Variants in CLPTM1L observed in about 807,000 individuals in gnomAD.
The protein encoded by CLPTM1L is lipid scramblase CLPTM1L.
CLPTM1L carries 38 observed loss-of-function variants against 70.9 expected under a neutral mutation model. That is an observed-to-expected ratio of 0.54 (90% CI 0.41 to 0.70). The LOEUF is 0.70. Ranked by LOEUF, CLPTM1L falls within the 30% of genes least tolerant of loss-of-function variation. The probability of loss-of-function intolerance (pLI) is 0.00; values close to 1 mark genes in which losing one functional copy is unlikely to be tolerated. For synonymous variants in CLPTM1L, 339 were observed against 299.9 expected, an observed-to-expected ratio of 1.13 and a Z score of -1.35; for missense variants, 652 against 705.9, an observed-to-expected ratio of 0.92 and a Z score of 0.87.
chr5:1,337,933 G>C lies in CLPTM1L; in HGVS notation c.649C>G (p.Gln217Glu), dbSNP rs1265714251. Reference protein sequence around the residue: ...VHYLPILFIDQLSNRVKDLMV... With the variant: ...VHYLPILFIDELSNRVKDLMV... ...AGGTCCTTCACGCGGTTGCTGAGCT[G>C]GTCGATGAACAGGATGGGCAGGTAA... Residue 217 changes from glutamine (Q) to glutamate (E), a missense_variant, in exon 5 of 17, where the codon CAG becomes GAG. Around this residue, in one of 3 missense-constraint regions of CLPTM1L, gnomAD observed 402 missense variants for 388.2 expected, o/e 1.04. Transcript: ENST00000320895. The C allele has an allele frequency of 6.2e-7, 1 of 1,607,140 alleles. No homozygotes were observed. Among genetic ancestry groups the C allele is most frequent in the Non-Finnish European group, 8.5e-7 (1 of 1,177,876 alleles).
At chr5:1,339,312 C>T (rs2111253323) in intron 3 of CLPTM1L, among the ~76,000 whole-genome samples, 1 of 147,092 alleles carries the variant, frequency 6.8e-6, no homozygotes, top group East Asian at 2.1e-4. Context: ...CAAACTGTGC[C>T]CGGGACAGCA....
intron 8 of CLPTM1L, chr5:1,331,539 G>A: frequency 7.0e-6 from 4 of 568,580 alleles, no homozygotes; most frequent in Non-Finnish European, 9.4e-6. Context: ...CAGACCCCAT[G>A]CACGCCAGAG....
At chr5:1,341,571 G>T in intron 3 of CLPTM1L, 100 bp downstream of exon 3, 4 of 1,039,882 alleles carry the variant, frequency 3.8e-6, no homozygotes, top group South Asian at 3.5e-5. Context: ...TCCCAACAAA[G>T]TCACTGGAGC....
chr5:1,329,788 A>AGCCTCAGGACTCTCTGCTTGGTGGACAGG (rs1752960443), intron 9 of CLPTM1L, among the ~76,000 whole-genome samples: 3 of 51,794 alleles, frequency 5.8e-5, no homozygotes, highest in East Asian at 4.0e-4. Flanking sequence ...TGGTGGACAG[A>AGCCTCAGGACTCTCTGCTTGGTGGACAGG]GCCTCAGGAC....
Position 1,342,945 on chromosome 5 carries a change from C to A in CLPTM1L, c.264-1085G>T, listed in dbSNP as rs1227640990. Among the ~76,000 whole-genome samples, 1 of 152,242 alleles carries A rather than the reference C, an allele frequency of 6.6e-6. No homozygotes were observed. The highest frequency in any genetic ancestry group is 1.5e-5 in the Non-Finnish European group (1 of 68,040). The stretch of plus-strand genomic sequence containing the variant: ...CGGCGGCTCACGCCTGTAATCCCAG[C>A]ACCTTGGGAGGCCGAGCCGGGCAGA... On this transcript the variant is annotated intron_variant, in intron 2 of 16. Coordinates refer to ENST00000320895, the MANE Select transcript of CLPTM1L (RefSeq NM_030782.5). This position sits in a 1 kb window ranked among gnomAD's most constrained non-coding sequence, Gnocchi z 4.3.
rs1181998330 is a variant in CLPTM1L, at chr5:1,325,798, C to T, written c.1099G>A (p.Ala367Thr). ...AAIELWKVKK[A>T]LKMTIFWRGL... Reference sequence around the variant, plus strand: ...CTCCAAAAAATAGTCATCTTCAATGCCTTCTTCACTTTCCACAGCTGAGGG... The same window carrying T: ...CTCCAAAAAATAGTCATCTTCAATGTCTTCTTCACTTTCCACAGCTGAGGG... Residue 367 changes from alanine (A) to threonine (T), a missense_variant, in exon 10 of 17, where the codon GCA becomes ACA. Physicochemically the swap from Ala to Thr is moderately conservative, Grantham distance 58. This residue lies in a region of CLPTM1L where 240 missense variants were observed against 295.0 expected (regional missense o/e 0.81). Coordinates refer to ENST00000320895, the MANE Select transcript of CLPTM1L (RefSeq NM_030782.5). The T allele has an allele frequency of 4.3e-6, 7 of 1,614,000 alleles. No individual in the cohort carries two copies. Among genetic ancestry groups the T allele is most frequent in the South Asian group, 1.1e-5 (1 of 91,076 alleles).
At chr5:1,343,431 G>A (rs1448947473) in intron 2 of CLPTM1L, among the ~76,000 whole-genome samples, 2 of 152,232 alleles carry the variant, frequency 1.3e-5, no homozygotes, top group Non-Finnish European at 2.9e-5. Flanking sequence ...CAGGTCAAAT[G>A]GAAAACCTCA....
rs760098618 is a variant in CLPTM1L at position 1,335,110 on chromosome 5, C to A, written c.743G>T (p.Arg248Leu). Residue 248 changes from arginine (R) to leucine (L), a missense_variant, in exon 6 of 17, where the codon CGG (arginine) becomes CTG (leucine). Arg to Leu is a moderately radical substitution (Grantham distance 102). Transcript: ENST00000320895. Reference sequence around the variant, plus strand: ...CTGCATGTGGATCCAGAAGCGCAGCCGCCCCAGTGAGACCTTGTCGTAGGA... The same window carrying A: ...CTGCATGTGGATCCAGAAGCGCAGCAGCCCCAGTGAGACCTTGTCGTAGGA... Reference protein sequence around the residue: ...TVSYDKVSLGRLRFWIHMQDA... With the variant: ...TVSYDKVSLGLLRFWIHMQDA... 6.2e-7 allele frequency: 1 copy of A among 1,613,666 alleles called. No homozygotes were observed. Among genetic ancestry groups the A allele is most frequent in the Non-Finnish European group, 8.5e-7 (1 of 1,180,028 alleles).
At chr5:1,340,938 G>GT (rs1753901926) in intron 3 of CLPTM1L, among the ~76,000 whole-genome samples, 1 of 151,748 alleles carries the variant, frequency 6.6e-6, no homozygotes. Context: ...GCTAATTTTT[G>GT]TATTTTTAGT....
At position 1,331,825 on chromosome 5, in the gene CLPTM1L, CTCTTCT is replaced by C; in HGVS notation, c.944_949del (p.Lys315_Lys316del). 1 of 1,613,390 alleles carries C rather than the reference CTCTTCT, an allele frequency of 6.2e-7. No homozygotes were observed. The highest frequency in any genetic ancestry group is 8.5e-7 in the Non-Finnish European group (1 of 1,179,952). On this transcript the variant is annotated inframe_deletion, in exon 8 of 17. Coordinates refer to ENST00000320895, the MANE Select transcript of CLPTM1L (RefSeq NM_030782.5). Reference sequence around the variant, plus strand: ...TGCCTTGGTGGACATGCCGATCATGCTCTTCTTCTTCTTCCAGAAACTGATGTCATT... The same window carrying C: ...TGCCTTGGTGGACATGCCGATCATGCTCTTCTTCCAGAAACTGATGTCATT...
Position 1,324,787 on chromosome 5 carries a change from C to T in CLPTM1L, c.1173G>A (p.Arg391=). The T allele has an allele frequency of 1.2e-6, 2 of 1,614,152 alleles. No individual in the cohort carries two copies. The highest frequency in any genetic ancestry group is 1.1e-5 in the South Asian group (1 of 91,088). ...CCTGAGTATCGTACTCCTCGGTTTT[C>T]CTCTCAGATTCGCTGTAAGTGCCAA... is the stretch of plus-strand genomic sequence containing the variant. ...FQFGTYSESE[R]KTEEYDTQAM... is the part of the protein sequence containing the mutation. The change falls in exon 11 of 17, where the codon AGG becomes AGA. Residue 391 remains arginine (R), a synonymous_variant. Coordinates refer to ENST00000320895, the MANE Select transcript of CLPTM1L (RefSeq NM_030782.5).
chr5:1,321,196 T>G (rs1752130892), intron 15 of CLPTM1L, among the ~76,000 whole-genome samples: 1 of 152,234 alleles, frequency 6.6e-6, no homozygotes, highest in Non-Finnish European at 1.5e-5. Flanking sequence ...CAGCTCCGCC[T>G]GCAATGCCGA....
At position 1,323,770 on chromosome 5, in the gene CLPTM1L, C is replaced by T. The variant is rs375045987; in HGVS notation, c.1280+17G>A. ...CAGGGGAAAGACGCAGCAGGGGAAGCGTGTGCGGCCTCCTACCTCTTATAT... is the reference window on the plus strand; with the variant it reads ...CAGGGGAAAGACGCAGCAGGGGAAGTGTGTGCGGCCTCCTACCTCTTATAT... On this transcript the variant is annotated intron_variant, in intron 12 of 16. Transcript: ENST00000320895. 1.6e-5 allele frequency: 25 copies of T among 1,598,556 alleles called. 1 individual carries two copies. The highest frequency in any genetic ancestry group is 1.7e-4 in the Middle Eastern group (1 of 6,060).
intron 9 of CLPTM1L, among the ~76,000 whole-genome samples, chr5:1,327,495 C>G (rs1427072311): frequency 6.7e-6 from 1 of 149,710 alleles, no homozygotes; most frequent in African/African-American, 2.5e-5. Flanking sequence ...GACATTTCAT[C>G]CAGCTCCTCC....
intron 3 of CLPTM1L, among the ~76,000 whole-genome samples, chr5:1,340,505 A>G (rs746073562): frequency 3.3e-5 from 5 of 152,124 alleles, no homozygotes; most frequent in Non-Finnish European, 5.9e-5. Flanking sequence ...ACACCTCCTC[A>G]CATTTGCTAC....
At chr5:1,338,313 T>A in intron 4 of CLPTM1L, 1 of 383,472 alleles carries the variant, frequency 2.6e-6, no homozygotes, top group Non-Finnish European at 4.9e-6. Context: ...AATCCCAGGA[T>A]GCACTGACAC....
In CLPTM1L at chr5:1,318,418, A is replaced by T. The variant is rs763725767; in HGVS notation, c.1568T>A (p.Phe523Tyr). 2 of 1,613,742 alleles carry T rather than the reference A, an allele frequency of 1.2e-6. No homozygotes were observed. Among genetic ancestry groups the T allele is most frequent in the African/African-American group, 2.7e-5 (2 of 74,918 alleles). Residue 523 changes from phenylalanine to tyrosine, a missense_variant, in exon 17 of 17, where the codon TTT (phenylalanine) becomes TAT (tyrosine). Phe to Tyr is a conservative substitution (Grantham distance 22). Around this residue, in one of 3 missense-constraint regions of CLPTM1L, gnomAD observed 240 missense variants for 295.0 expected, o/e 0.81. Transcript: ENST00000320895. This position sits in a 1 kb window ranked among gnomAD's most constrained non-coding sequence, Gnocchi z 8.9. ...YPVDKRRVNE[F>Y]GESYEEKATR... ...GGCCTTCTCCTCGTAGGACTCCCCA[A>T]ACTCGTTCACTCTGCGTTTATCCAC...
chr5:1,321,095 G>A (rs115394115), intron 15 of CLPTM1L, among the ~76,000 whole-genome samples: 2,665 of 152,306 alleles, frequency 0.017, 41 homozygotes, highest in Non-Finnish European at 0.024. Context: ...CAGCCAAGGG[G>A]AGAGCCAAGG....
chr5:1,343,995 C>T (rs1378319460), intron 2 of CLPTM1L, among the ~76,000 whole-genome samples: 6 of 152,230 alleles, frequency 3.9e-5, no homozygotes, highest in African/African-American at 1.4e-4. Context: ...AAGCGAACTA[C>T]TTCCACCAGG....
Sources: allele counts gnomAD v4.1 joint callset (sites outside exome capture counted in the v4.1 genomes callset), GRCh38; gene constraint gnomAD v4.1.1; regional missense constraint gnomAD v4.1.1; non-coding constraint Gnocchi (gnomAD v3.1); transcripts MANE v1.5; gene names NCBI Gene and HGNC (gene_info 2026-07-23, HGNC 2026-07-21).